The following PTAR1 variants were observed in gnomAD, a reference collection of about 807,000 sequenced individuals.
The protein encoded by PTAR1 is protein prenyltransferase alpha subunit repeat containing 1.
Under a neutral mutation model 45.5 loss-of-function variants are expected in PTAR1, and 17 were observed. The observed-to-expected ratio is 0.37, with a 90% CI of 0.26 to 0.56. The LOEUF is 0.56. PTAR1 is among the 20% of genes least tolerant of loss of function. The probability of loss-of-function intolerance (pLI) is 0.77; values close to 1 mark genes in which losing one functional copy is unlikely to be tolerated. For missense variants in PTAR1, 391 were observed against 476.3 expected (o/e 0.82, Z 1.67); for synonymous variants, 169 against 171.3 (o/e 0.99, Z 0.11).
rs1309173612 is a variant in PTAR1 at position 69,732,120 on chromosome 9, G to A, written c.642+19C>T. On this transcript the variant is annotated intron_variant, in intron 5 of 7. Transcript: ENST00000340434. ...AAGGGCAGACAGGCAGTCTGCCCAG[G>A]AGACAGTAATATTCCTACCTTGACA... The A allele has an allele frequency of 3.2e-6, 5 of 1,577,372 alleles. No individual in the cohort carries two copies. Among genetic ancestry groups the A allele is most frequent in the African/African-American group, 2.7e-5 (2 of 74,122 alleles).
In PTAR1 at chr9:69,760,005, G is replaced by A; in HGVS notation, c.-67C>T. ...GCCGGGCCGCCGGCGGGAGTTCCGCGGAGAACGAGCGCGCGCGCGCGCGCG... is the reference window on the plus strand; with the variant it reads ...GCCGGGCCGCCGGCGGGAGTTCCGCAGAGAACGAGCGCGCGCGCGCGCGCG... On this transcript the variant is annotated 5_prime_UTR_variant, in exon 1 of 8. Transcript: ENST00000340434. 5.3e-6 allele frequency: 7 copies of A among 1,309,808 alleles called. No individual in the cohort carries two copies. The highest frequency in any genetic ancestry group is 1.6e-5 in the African/African-American group (1 of 63,202). The allele number at this position is 1,309,808 out of a possible 1,614,324, so 81.1% of individuals were successfully genotyped here. A position where few individuals can be genotyped will look rare whatever the true frequency, so the allele number is the denominator to read the frequency against.
intron 6 of PTAR1, among the ~76,000 whole-genome samples, chr9:69,721,064 T>C (rs1824978424): frequency 6.6e-6 from 1 of 152,352 alleles, no homozygotes; most frequent in African/African-American, 2.4e-5. Flanking sequence ...CATAAGGTTA[T>C]AGCTGCCACA....
Position 69,723,595 on chromosome 9 carries a change from C to T in PTAR1, c.678G>A (p.Trp226Ter). 1 of 1,613,268 alleles carries T rather than the reference C, an allele frequency of 6.2e-7. No individual in the cohort carries two copies. Among genetic ancestry groups the T allele is most frequent in the Non-Finnish European group, 8.5e-7 (1 of 1,179,544 alleles). Residue 226 changes from tryptophan (W) to a stop codon, truncating the protein, a stop_gained, in exon 6 of 8, where the codon TGG becomes TGA. Transcript: ENST00000340434. LOFTEE classifies it high-confidence loss of function. ...LLDELSSTKH[W>*]ASMHVSDHSG... ...TGTGGTCTGAAACGTGCATAGATGC[C>T]CAATGTTTAGTAGAAGATAGTTCAT...
At chr9:69,749,444 A>G (rs1157194771) in intron 2 of PTAR1, among the ~76,000 whole-genome samples, 1 of 152,134 alleles carries the variant, frequency 6.6e-6, no homozygotes, top group East Asian at 1.9e-4. Context: ...CGGTGATGGA[A>G]TGCAGAATTA....
At chr9:69,729,907 G>T (rs1825456084) in intron 5 of PTAR1, among the ~76,000 whole-genome samples, 1 of 152,132 alleles carries the variant, frequency 6.6e-6, no homozygotes, top group South Asian at 2.1e-4. Flanking sequence ...ATAACAATTT[G>T]AATAATGCTC....
chr9:69,732,145 A>G lies in PTAR1; in HGVS notation c.636T>C (p.Asp212=), dbSNP rs181845943. Residue 212 remains aspartate (D), a synonymous_variant, in exon 5 of 8, where the codon GAT becomes GAC. Transcript: ENST00000340434. ...IWVLQHLAKL[D]VKILLDELSS... ...GAGACAGTAATATTCCTACCTTGACATCTAGCTTGGCCAAGTGCTGTAAAA... is the reference window on the plus strand; with the variant it reads ...GAGACAGTAATATTCCTACCTTGACGTCTAGCTTGGCCAAGTGCTGTAAAA... 40 of 1,611,298 alleles carry G rather than the reference A, an allele frequency of 2.5e-5. No individual in the cohort carries two copies. The African/African-American group carries it at 4.7e-4, about 19-fold the overall frequency.
intron 5 of PTAR1, among the ~76,000 whole-genome samples, chr9:69,731,077 G>A (rs924930142): frequency 2.0e-5 from 3 of 152,200 alleles, no homozygotes; most frequent in South Asian, 4.1e-4. Context: ...TCCATTAGGC[G>A]GCCACCCCTC....
chr9:69,752,894 A>G (rs1343256343), intron 1 of PTAR1, among the ~76,000 whole-genome samples: 1 of 152,072 alleles, frequency 6.6e-6, no homozygotes, highest in Non-Finnish European at 1.5e-5. Context: ...GCTATACTTG[A>G]CTAATATATG....
At chr9:69,758,170 A>G (rs1826877759) in intron 1 of PTAR1, 1 of 152,234 alleles carries the variant, frequency 6.6e-6, no homozygotes, top group Admixed American at 6.5e-5. Context: ...GAACTGGGAC[A>G]TGTTCCAAAC....
In PTAR1 at chr9:69,710,499, C is replaced by T. The variant is rs1314595391; in HGVS notation, c.*7843G>A. On this transcript the variant is annotated 3_prime_UTR_variant, in exon 8 of 8. Coordinates refer to ENST00000340434, the MANE Select transcript of PTAR1 (RefSeq NM_001099666.2). The stretch of plus-strand genomic sequence containing the variant: ...TTACATTAGCCTTAGAATTTAGCAT[C>T]ATACTTTTAAGCACTCTGGGGTACT... 1 of 152,074 alleles carries T rather than the reference C, an allele frequency of 6.6e-6. No individual in the cohort carries two copies. Among genetic ancestry groups the T allele is most frequent in the Non-Finnish European group, 1.5e-5 (1 of 67,992 alleles). The allele number at this position is 152,074 out of a possible 1,614,324, so 9.4% of individuals were successfully genotyped here. A position where few individuals can be genotyped will look rare whatever the true frequency, so the allele number is the denominator to read the frequency against.
At chr9:69,752,740 C>T (rs1826586242) in intron 1 of PTAR1, among the ~76,000 whole-genome samples, 1 of 151,950 alleles carries the variant, frequency 6.6e-6, no homozygotes, top group South Asian at 2.1e-4. Flanking sequence ...ATAATATAAA[C>T]AAAGTCCTGT....
chr9:69,711,472 C>T lies in PTAR1; in HGVS notation c.*6870G>A, dbSNP rs1824521476. 1 of 152,218 alleles carries T rather than the reference C, an allele frequency of 6.6e-6. No individual in the cohort carries two copies. The highest frequency in any genetic ancestry group is 2.4e-5 in the African/African-American group (1 of 41,468). The allele number at this position is 152,218 out of a possible 1,614,324, so 9.4% of individuals were successfully genotyped here. ...GTATCATTCACAAAAAGTTCTTCCT[C>T]ATGCCAAAGATGTTCTGAGAAAACA... On this transcript the variant is annotated 3_prime_UTR_variant, in exon 8 of 8. Transcript: ENST00000340434.
chr9:69,736,321 G>T (rs1011289163), intron 3 of PTAR1, among the ~76,000 whole-genome samples: 1 of 152,202 alleles, frequency 6.6e-6, no homozygotes, highest in Non-Finnish European at 1.5e-5. Context: ...CACTTTGGGA[G>T]GCCGAGGCAG....
rs1410609543 is a variant in PTAR1, at chr9:69,710,144, C to G, written c.*8198G>C. The G allele has an allele frequency of 6.6e-6, 1 of 152,134 alleles. No homozygotes were observed. Among genetic ancestry groups the G allele is most frequent in the Non-Finnish European group, 1.5e-5 (1 of 67,988 alleles). 9.4% of individuals were successfully genotyped at this position (152,134 alleles called of 1,614,324 possible). On this transcript the variant is annotated 3_prime_UTR_variant, in exon 8 of 8. Coordinates refer to ENST00000340434, the MANE Select transcript of PTAR1 (RefSeq NM_001099666.2). Reference sequence around the variant, plus strand: ...AAGTCATATTTTATACTCTATGAATCTGTACTGTCCAGTATAGTAGCCCTT... The same window carrying G: ...AAGTCATATTTTATACTCTATGAATGTGTACTGTCCAGTATAGTAGCCCTT...
chr9:69,759,558 C>G (rs1482263545), intron 1 of PTAR1, among the ~76,000 whole-genome samples: 1 of 152,150 alleles, frequency 6.6e-6, no homozygotes, highest in East Asian at 1.9e-4. Flanking sequence ...CTACGGGGGA[C>G]GTCTCTGGAG....
At chr9:69,746,100 C>T (rs1208450161) in intron 2 of PTAR1, among the ~76,000 whole-genome samples, 1 of 152,172 alleles carries the variant, frequency 6.6e-6, no homozygotes, top group Non-Finnish European at 1.5e-5. Flanking sequence ...CTTCCTCATT[C>T]AGGACTCAGG....
chr9:69,718,500 G>T lies in PTAR1; in HGVS notation c.1051C>A (p.Gln351Lys). 1 of 1,613,744 alleles carries T rather than the reference G, an allele frequency of 6.2e-7. No homozygotes were observed. The highest frequency in any genetic ancestry group is 8.5e-7 in the Non-Finnish European group (1 of 1,179,710). The change falls in exon 8 of 8, where the codon CAG becomes AAG. Residue 351 changes from glutamine (Q) to lysine (K), a missense_variant. Coordinates refer to ENST00000340434, the MANE Select transcript of PTAR1 (RefSeq NM_001099666.2). ...GTCCGCTTCAGGCGTTTGGTTTCCTGGGAATAGCCTTGCTTGCTAGAGTCA... is the reference window on the plus strand; with the variant it reads ...GTCCGCTTCAGGCGTTTGGTTTCCTTGGAATAGCCTTGCTTGCTAGAGTCA... Reference protein sequence around the residue: ...LNDSSKQGYSQETKRLKRTPV... With the variant: ...LNDSSKQGYSKETKRLKRTPV...
intron 3 of PTAR1, among the ~76,000 whole-genome samples, chr9:69,736,489 A>G (rs938993488): frequency 1.1e-4 from 16 of 152,268 alleles, no homozygotes; most frequent in African/African-American, 2.9e-4. Context: ...CCCAGGAGGC[A>G]GAGGTTGCAG....
chr9:69,759,796 G>GGACGCTTGA (rs2134190147), intron 1 of PTAR1, 57 bp downstream of exon 1: 1 of 1,491,226 alleles, frequency 6.7e-7, no homozygotes, highest in South Asian at 1.3e-5. Flanking sequence ...TGGACGCTTG[G>GGACGCTTGA]CCCCGCCCCC....
Sources: allele counts gnomAD v4.1 joint callset (sites outside exome capture counted in the v4.1 genomes callset), GRCh38; gene constraint gnomAD v4.1.1; transcripts MANE v1.5; gene names NCBI Gene and HGNC (gene_info 2026-07-23, HGNC 2026-07-21).